MSN: variants seen among roughly 807,000 people sequenced by gnomAD.
The protein encoded by MSN is moesin.
A neutral mutation model predicts 48.0 loss-of-function variants in MSN; 2 were observed. The ratio of observed to expected loss-of-function variants is 0.04; its 90% CI spans 0.02 to 0.13. The LOEUF is 0.13. Ranked by LOEUF, MSN falls within the 10% of genes least tolerant of loss-of-function variation. The pLI, the probability that MSN is intolerant of heterozygous loss-of-function variation, is 1.00. For missense variants in MSN, 267 were observed against 470.1 expected, an observed-to-expected ratio of 0.57 and a Z score of 3.99; for synonymous variants, 146 against 166.9, an observed-to-expected ratio of 0.87 and a Z score of 0.97.
chrX:65,659,774 C>T lies in MSN; in HGVS notation c.-21-57044C>T, dbSNP rs1048783980. On this transcript the variant is annotated intron_variant, in intron 1 of 3. Transcript: ENST00000609672. ...TTCTGAATTTAGCTTGTCTAAAAAC[C>T]CAAATCTCTTCATACCCCTTATGTT... Among the ~76,000 whole-genome samples the T allele has an allele frequency of 2.7e-5, 3 of 111,296 alleles. No individual in the cohort carries two copies. The East Asian group carries it at 8.5e-4, about 31-fold the overall frequency.
At chrX:65,622,068 G>C (rs1381148710) in intron 1 of MSN, among the ~76,000 whole-genome samples, 1 of 108,470 alleles carries the variant, frequency 9.2e-6, no homozygotes, top group Non-Finnish European at 1.9e-5. Flanking sequence ...TCTGTGAATA[G>C]AGGTAGTTTT....
chrX:65,636,258 C>A (rs1463973525), intron 1 of MSN, among the ~76,000 whole-genome samples: 3 of 111,772 alleles, frequency 2.7e-5, no homozygotes, highest in Non-Finnish European at 1.9e-5. Flanking sequence ...TCCAAAACCC[C>A]TTAGCCTGAA....
chrX:65,740,082 A>G lies in MSN; in HGVS notation c.*189A>G. On this transcript the variant is annotated 3_prime_UTR_variant, in exon 13 of 13. Coordinates refer to ENST00000360270, the MANE Select transcript of MSN (RefSeq NM_002444.3). The stretch of plus-strand genomic sequence containing the variant: ...CCCACCCACTTCCCTGGGCAAATGA[A>G]TGGCTCACTATGGTGCCAATGGAAC... 1 of 376,931 alleles carries G rather than the reference A, an allele frequency of 2.7e-6. No individual in the cohort carries two copies. The highest frequency in any genetic ancestry group is 4.6e-6 in the Non-Finnish European group (1 of 215,192). The allele number at this position is 376,931 out of a possible 1,213,427, so 31.1% of individuals were successfully genotyped here.
intron 1 of MSN, chrX:65,588,784 C>A (rs770136986): frequency 2.8e-4 from 63 of 228,550 alleles, no homozygotes; most frequent in Non-Finnish European, 3.3e-5. Flanking sequence ...ACCCCCACCC[C>A]CCAACCATTT....
intron 1 of MSN, among the ~76,000 whole-genome samples, chrX:65,606,337 C>G (rs985573302): frequency 9.2e-6 from 1 of 108,604 alleles, no homozygotes; most frequent in African/African-American, 3.4e-5. Context: ...CCATCTTGGC[C>G]AGGCAGGTCT....
At chrX:65,721,221 G>T (rs1312455784) in intron 2 of MSN, among the ~76,000 whole-genome samples, 1 of 112,027 alleles carries the variant, frequency 8.9e-6, no homozygotes, top group Non-Finnish European at 1.9e-5. Context: ...GGTTCCATGG[G>T]GTGATATATA....
rs1229066847 is a variant in MSN at position 65,658,852 on chromosome X, C to CT, written c.-21-57956dup. 4.5e-3 allele frequency among the ~76,000 whole-genome samples: 477 copies of CT among 106,317 alleles called. 5 individuals carry two copies. The highest frequency in any genetic ancestry group is 0.015 in the African/African-American group (438 of 29,311). 92.3% of individuals were successfully genotyped at this position (106,317 alleles called of 115,157 possible). On this transcript the variant is annotated intron_variant, in intron 1 of 3. Coordinates refer to the MSN transcript ENST00000609672. ...TTTTCTTTTTCTTTTTCTTTTCTTT[C>CT]TTTTTTTTTTGAGACGAAGTCTTGC...
chrX:65,591,643 C>T (rs772935294), intron 1 of MSN, among the ~76,000 whole-genome samples: 38 of 112,023 alleles, frequency 3.4e-4, no homozygotes, highest in African/African-American at 1.2e-3. Flanking sequence ...CCATTACCTG[C>T]AGGTCATACT....
chrX:65,652,356 G>C (rs2070748998), intron 1 of MSN, among the ~76,000 whole-genome samples: 1 of 111,589 alleles, frequency 9.0e-6, no homozygotes, highest in Admixed American at 9.6e-5. Flanking sequence ...CAAGTTTTTG[G>C]GAGATGAGAA....
intron 1 of MSN, among the ~76,000 whole-genome samples, chrX:65,677,249 G>A (rs2071009350): frequency 9.0e-6 from 1 of 111,714 alleles, no homozygotes; most frequent in Non-Finnish European, 1.9e-5. Context: ...TGGAGGGTGA[G>A]GGTCAAGGTA....
At position 65,683,393 on chromosome X, in the gene MSN, GCCACCA is replaced by G. The variant is rs535010759; in HGVS notation, c.12+15585_12+15590del. Among the ~76,000 whole-genome samples, 36 of 91,312 alleles carry G rather than the reference GCCACCA, an allele frequency of 3.9e-4. 2 individuals are homozygous for G. The highest frequency in any genetic ancestry group is 1.2e-3 in the African/African-American group (27 of 22,961). The allele number at this position is 91,312 out of a possible 115,157, so 79.3% of individuals were successfully genotyped here. The stretch of plus-strand genomic sequence containing the variant: ...TGCTATTGCTACTGTTGCCGCCGCC[GCCACCA>G]CCACCACCACCACCACCACCACCAC... On this transcript the variant is annotated intron_variant, in intron 1 of 12. Coordinates refer to ENST00000360270, the MANE Select transcript of MSN (RefSeq NM_002444.3).
Position 65,738,637 on chromosome X carries a change from G to A in MSN, c.1344+20G>A, listed in dbSNP as rs775966896. ...CAGAAGGTAAGACACAGGGCCTAAA[G>A]CAAAGCATTGAAGGAATGGGTGCCA... On this transcript the variant is annotated intron_variant, in intron 11 of 12. Transcript: ENST00000360270. 1.2e-5 allele frequency: 14 copies of A among 1,177,881 alleles called. No homozygotes were observed. The African/African-American group carries it at 1.2e-4, about 10-fold the overall frequency.
intron 1 of MSN, among the ~76,000 whole-genome samples, chrX:65,620,554 G>A (rs915949919): frequency 2.8e-5 from 3 of 105,828 alleles, no homozygotes; most frequent in Non-Finnish European, 3.9e-5. Context: ...GCAATGCCTC[G>A]TCCTGCTTCG....
At chrX:65,588,515 G>C in exon 1 of MSN, 1 of 790,103 alleles carries the variant, frequency 1.3e-6, no homozygotes, top group East Asian at 6.9e-5. Flanking sequence ...GCAGCAGCAA[G>C]GCTGGCCACA....
At chrX:65,614,931 A>T (rs2070355040) in intron 1 of MSN, among the ~76,000 whole-genome samples, 2 of 79,473 alleles carry the variant, frequency 2.5e-5, no homozygotes, top group African/African-American at 4.9e-5. Context: ...TTCAATTCCC[A>T]CCTATGAGTG....
At chrX:65,618,409 T>C (rs1367857071) in intron 1 of MSN, among the ~76,000 whole-genome samples, 4 of 111,597 alleles carry the variant, frequency 3.6e-5, no homozygotes, top group Non-Finnish European at 5.6e-5. Context: ...GGTGCATATA[T>C]ATTTAGGATA....
intron 2 of MSN, among the ~76,000 whole-genome samples, chrX:65,721,671 G>A (rs766590063): frequency 1.8e-5 from 2 of 111,813 alleles, no homozygotes; most frequent in Non-Finnish European, 3.8e-5. Flanking sequence ...AGGTCATATA[G>A]CTAGGAAGTG....
chrX:65,723,224 T>A (rs1165127376), intron 2 of MSN, among the ~76,000 whole-genome samples: 1 of 111,949 alleles, frequency 8.9e-6, no homozygotes, highest in Non-Finnish European at 1.9e-5. Context: ...TGGTTTAGTA[T>A]TCTAGAGCAT....
At chrX:65,692,977 GA>G (rs2071191691) in intron 1 of MSN, among the ~76,000 whole-genome samples, 1 of 112,230 alleles carries the variant, frequency 8.9e-6, no homozygotes, top group South Asian at 3.6e-4. Context: ...ATGTAACCAA[GA>G]CTATAAGTGG....
Sources: allele counts gnomAD v4.1 joint callset (sites outside exome capture counted in the v4.1 genomes callset), GRCh38; gene constraint gnomAD v4.1.1; transcripts MANE v1.5; gene names NCBI Gene and HGNC (gene_info 2026-07-23, HGNC 2026-07-21).